The following RPTOR variants were observed in gnomAD, a reference collection of about 807,000 sequenced individuals.
RPTOR encodes the protein regulatory-associated protein of mTOR.
Under a neutral mutation model 169.9 loss-of-function variants are expected in RPTOR, and 21 were observed. The observed-to-expected ratio is 0.12, with a 90% CI of 0.09 to 0.18. RPTOR has a LOEUF of 0.18. RPTOR is among the 10% of genes least tolerant of loss of function. RPTOR has a pLI of 1.00. For synonymous variants in RPTOR, 732 were observed against 753.2 expected (o/e 0.97, Z 0.46); for missense variants, 1,133 against 1,855.9 (o/e 0.61, Z 7.16).
intron 1 of RPTOR, among the ~76,000 whole-genome samples, chr17:80,625,176 C>T (rs1400263462): frequency 6.6e-6 from 1 of 152,138 alleles, no homozygotes; most frequent in Non-Finnish European, 1.5e-5. Flanking sequence ...GGAGAGTGAA[C>T]AACGCAGGCA....
intron 2 of RPTOR, among the ~76,000 whole-genome samples, chr17:80,637,601 C>G (rs893859138): frequency 6.6e-6 from 1 of 152,360 alleles, no homozygotes; most frequent in East Asian, 1.9e-4. Context: ...AAGAGCTGCG[C>G]GTGCCCCACT....
intron 21 of RPTOR, among the ~76,000 whole-genome samples, chr17:80,921,244 C>T (rs1407076662): frequency 4.6e-5 from 7 of 152,252 alleles, no homozygotes; most frequent in African/African-American, 1.4e-4. Flanking sequence ...CTGGCTGGAG[C>T]GCAGCCTGGG....
At chr17:80,928,162 C>A (rs1341285337) in intron 24 of RPTOR, among the ~76,000 whole-genome samples, 1 of 152,164 alleles carries the variant, frequency 6.6e-6, no homozygotes, top group African/African-American at 2.4e-5. Context: ...CTCCTGATAG[C>A]AACTGCAGTC....
chr17:80,643,579 G>A, intron 2 of RPTOR, 149 bp from the exon 3 acceptor site: 1 of 579,364 alleles, frequency 1.7e-6, no homozygotes, highest in Admixed American at 3.2e-5. Flanking sequence ...CAGTAAATCT[G>A]GTTAACACTG....
At chr17:80,733,390 G>A (rs1409515346) in intron 5 of RPTOR, among the ~76,000 whole-genome samples, 1 of 152,172 alleles carries the variant, frequency 6.6e-6, no homozygotes, top group African/African-American at 2.4e-5. Flanking sequence ...ATATGCCATG[G>A]TTTGAAAAAT....
intron 5 of RPTOR, chr17:80,743,220 A>C (rs748811794): frequency 6.1e-6 from 6 of 984,818 alleles, no homozygotes; most frequent in Non-Finnish European, 7.2e-6. Flanking sequence ...TCTCTCTCTT[A>C]TGACTCAGTT....
rs769436510 is a variant in RPTOR, at chr17:80,945,748, C to T, written c.3107C>T (p.Pro1036Leu). 5.6e-6 allele frequency: 9 copies of T among 1,611,658 alleles called. No individual in the cohort carries two copies. Among genetic ancestry groups the T allele is most frequent in the Non-Finnish European group, 7.6e-6 (9 of 1,179,122 alleles). The change falls in exon 26 of 34, where the codon CCG becomes CTG. Residue 1036 changes from proline to leucine, a missense_variant. By Grantham distance (98) the Pro-to-Leu change is moderately conservative (BLOSUM62 -3). Coordinates refer to ENST00000306801, the MANE Select transcript of RPTOR (RefSeq NM_020761.3). ...PSVVKFHPFTPCIAVADKDSI... is the reference protein window; with the variant it reads ...PSVVKFHPFTLCIAVADKDSI... The stretch of plus-strand genomic sequence containing the variant: ...GTGGTGAAATTCCACCCCTTCACGC[C>T]GTGCATCGCCGTAGCCGACAAGGAC...
At chr17:80,830,215 C>A (rs2067487954) in intron 9 of RPTOR, among the ~76,000 whole-genome samples, 1 of 152,170 alleles carries the variant, frequency 6.6e-6, no homozygotes, top group South Asian at 2.1e-4. Context: ...GGAGTCAGGG[C>A]AGCTCCACTG....
chr17:80,890,099 G>A (rs1300329386), intron 17 of RPTOR, among the ~76,000 whole-genome samples: 1 of 151,940 alleles, frequency 6.6e-6, no homozygotes, highest in Non-Finnish European at 1.5e-5. Flanking sequence ...GGCCCCCGAG[G>A]GAGGCCCCGT....
At chr17:80,920,278 T>C (rs773613051) in intron 21 of RPTOR, among the ~76,000 whole-genome samples, 1 of 152,148 alleles carries the variant, frequency 6.6e-6, no homozygotes, top group Non-Finnish European at 1.5e-5. Context: ...CAATCAACGC[T>C]GAGTAAATGT....
chr17:80,602,964 A>C (rs1364047786), intron 1 of RPTOR: 1 of 368,510 alleles, frequency 2.7e-6, no homozygotes, highest in African/African-American at 2.1e-5. Context: ...AGGACAGTTG[A>C]GTTTTCTTGG....
intron 1 of RPTOR, among the ~76,000 whole-genome samples, chr17:80,565,226 G>C (rs2084565427): frequency 1.3e-5 from 2 of 152,178 alleles, no homozygotes; most frequent in Non-Finnish European, 2.9e-5. Context: ...CTTGAGACTT[G>C]TACAGATAAT....
Position 80,707,896 on chromosome 17 carries a change from C to A in RPTOR, c.404C>A (p.Thr135Lys). 1 of 1,614,048 alleles carries A rather than the reference C, an allele frequency of 6.2e-7. No homozygotes were observed. Among genetic ancestry groups the A allele is most frequent in the Non-Finnish European group, 8.5e-7 (1 of 1,179,990 alleles). The change falls in exon 4 of 34, where the codon ACG becomes AAG. Residue 135 changes from threonine (T) to lysine (K), a missense_variant. Thr to Lys is a moderately conservative substitution (Grantham distance 78). Around this residue, in one of 9 missense-constraint regions of RPTOR, gnomAD observed 74 missense variants for 168.3 expected, o/e 0.44. Transcript: ENST00000306801. The surrounding 1 kb of genome is among the most constrained non-coding windows in gnomAD (Gnocchi z 5.0). Reference sequence around the variant, plus strand: ...GTGGATGAAGTCAAGAAGCTCTGCACGTCCTTACGTCGCAACGCCAAGGAG... The same window carrying A: ...GTGGATGAAGTCAAGAAGCTCTGCAAGTCCTTACGTCGCAACGCCAAGGAG... Reference protein sequence around the residue: ...PTVDEVKKLCTSLRRNAKEER... With the variant: ...PTVDEVKKLCKSLRRNAKEER...
intron 4 of RPTOR, among the ~76,000 whole-genome samples, chr17:80,709,444 C>T (rs759705672): frequency 6.6e-6 from 1 of 152,208 alleles, no homozygotes; most frequent in African/African-American, 2.4e-5. Context: ...TCCGGGAGAT[C>T]GCTGCTGATA....
chr17:80,840,838 GCACGGCAGCTCACACTCACCA>G (rs2067634652), intron 10 of RPTOR, among the ~76,000 whole-genome samples: 2 of 57,914 alleles, frequency 3.5e-5, no homozygotes, highest in African/African-American at 7.4e-5. Flanking sequence ...CACACTCACC[GCACGGCAGCTCACACTCACCA>G]CACGGCAGCT....
At chr17:80,884,913 G>A in intron 16 of RPTOR, 95 bp from the exon 17 acceptor site, 2 of 1,465,238 alleles carry the variant, frequency 1.4e-6, no homozygotes. Context: ...AGCGCCTGTG[G>A]GGTTGGATTC....
intron 3 of RPTOR, among the ~76,000 whole-genome samples, chr17:80,705,990 G>T (rs1489100001): frequency 6.6e-6 from 1 of 152,128 alleles, no homozygotes; most frequent in Non-Finnish European, 1.5e-5. Context: ...AGCCTCCCCT[G>T]CACGTTCCAA....
At chr17:80,882,055 A>G (rs2068191613) in intron 14 of RPTOR, among the ~76,000 whole-genome samples, 1 of 152,256 alleles carries the variant, frequency 6.6e-6, no homozygotes. Context: ...ACTGTTATTG[A>G]AAACTCTGGA....
intron 3 of RPTOR, among the ~76,000 whole-genome samples, chr17:80,679,079 C>G (rs2065879851): frequency 6.6e-6 from 1 of 152,248 alleles, no homozygotes; most frequent in Non-Finnish European, 1.5e-5. Context: ...TTTCTTTCCT[C>G]TGCATGAAAG....
Sources: allele counts gnomAD v4.1 joint callset (sites outside exome capture counted in the v4.1 genomes callset), GRCh38; gene constraint gnomAD v4.1.1; regional missense constraint gnomAD v4.1.1; non-coding constraint Gnocchi (gnomAD v3.1); transcripts MANE v1.5; gene names NCBI Gene and HGNC (gene_info 2026-07-23, HGNC 2026-07-21).